PPM1D: variants seen among roughly 807,000 people sequenced by gnomAD.
PPM1D encodes the protein protein phosphatase 1D.
In PPM1D, 52 loss-of-function variants were observed where a neutral mutation model predicts 58.3. That is an observed-to-expected ratio of 0.89 (90% CI 0.71 to 1.12). PPM1D has a LOEUF of 1.12. Among genes scored for constraint, PPM1D ranks in the 50% most tolerant of loss-of-function variants. PPM1D has a pLI of 0.00. For synonymous variants in PPM1D, 278 were observed against 285.1 expected (o/e 0.98, Z 0.25); for missense variants, 564 against 777.2 (o/e 0.73, Z 3.26).
intron 3 of PPM1D, among the ~76,000 whole-genome samples, chr17:60,646,421 CA>C (rs991472928): frequency 2.0e-5 from 3 of 152,014 alleles, no homozygotes; most frequent in East Asian, 3.9e-4. Flanking sequence ...TCTTGTTTAA[CA>C]AAAAAACCAG....
In PPM1D at chr17:60,600,267, C is replaced by T; in HGVS notation, c.-148C>T. 7.1e-7 allele frequency: 1 copy of T among 1,405,974 alleles called. No homozygotes were observed. Among genetic ancestry groups the T allele is most frequent in the Non-Finnish European group, 9.3e-7 (1 of 1,072,888 alleles). 87.1% of individuals were successfully genotyped at this position (1,405,974 alleles called of 1,614,324 possible). A position where few individuals can be genotyped will look rare whatever the true frequency, so the allele number is the denominator to read the frequency against. ...AGCTCTCGCGGACAAGTCCAGACAT[C>T]GCGCGCCCCCCCTTCTCCGGGTCCG... On this transcript the variant is annotated 5_prime_UTR_variant, in exon 1 of 6. Coordinates refer to ENST00000305921, the MANE Select transcript of PPM1D (RefSeq NM_003620.4).
In PPM1D at chr17:60,663,668, A is replaced by G; in HGVS notation, c.*116A>G. 1.7e-6 allele frequency: 2 copies of G among 1,151,192 alleles called. No individual in the cohort carries two copies. Among genetic ancestry groups the G allele is most frequent in the Non-Finnish European group, 2.4e-6 (2 of 838,440 alleles). The allele number at this position is 1,151,192 out of a possible 1,614,324, so 71.3% of individuals were successfully genotyped here. On this transcript the variant is annotated 3_prime_UTR_variant, in exon 6 of 6. Coordinates refer to ENST00000305921, the MANE Select transcript of PPM1D (RefSeq NM_003620.4). ...AAAATTAAAAGAAATATACAGTTTG[A>G]CTTTTTGGAATTCAGCAGTTTTATC...
At chr17:60,617,171 C>T (rs1411127015) in intron 1 of PPM1D, among the ~76,000 whole-genome samples, 1 of 151,242 alleles carries the variant, frequency 6.6e-6, no homozygotes, top group Non-Finnish European at 1.5e-5. Flanking sequence ...GCTGTGTTCC[C>T]CAAGCTGGTC....
At chr17:60,603,370 A>G (rs1021617669) in intron 1 of PPM1D, among the ~76,000 whole-genome samples, 11 of 152,204 alleles carry the variant, frequency 7.2e-5, no homozygotes, top group Admixed American at 6.5e-5. Flanking sequence ...ATGTTTATAT[A>G]TATATTTTAA....
intron 2 of PPM1D, among the ~76,000 whole-genome samples, chr17:60,632,149 G>T (rs1056718177): frequency 1.3e-5 from 2 of 151,306 alleles, no homozygotes; most frequent in South Asian, 2.1e-4. Flanking sequence ...AGCTGAGATC[G>T]CACCACTGCA....
intron 3 of PPM1D, among the ~76,000 whole-genome samples, chr17:60,641,178 T>G (rs1485783757): frequency 6.6e-6 from 1 of 152,226 alleles, no homozygotes; most frequent in Non-Finnish European, 1.5e-5. Context: ...TCCACACTGC[T>G]TTCCACAGTG....
chr17:60,615,848 C>T (rs1273235976), intron 1 of PPM1D, among the ~76,000 whole-genome samples: 1 of 151,866 alleles, frequency 6.6e-6, no homozygotes, highest in Non-Finnish European at 1.5e-5. Context: ...GACAGGATCT[C>T]TGTGTTGTCC....
At chr17:60,648,149 T>G in intron 4 of PPM1D, 67 bp downstream of exon 4, 1 of 1,510,734 alleles carries the variant, frequency 6.6e-7, no homozygotes, top group South Asian at 1.3e-5. Flanking sequence ...GTCAGAATCT[T>G]GAATATGAAC....
At chr17:60,652,678 CCTAT>C (rs1387766168) in intron 4 of PPM1D, among the ~76,000 whole-genome samples, 3 of 150,030 alleles carry the variant, frequency 2.0e-5, no homozygotes, top group African/African-American at 7.4e-5. Flanking sequence ...TCTGTAGTTG[CCTAT>C]CTTTTTGATG....
chr17:60,647,959 C>T lies in PPM1D; in HGVS notation c.894C>T (p.Val298=). ...FVVSPEPDTS[V]HTLDPQKHKY... ...TGTCACCTGAACCAGACACAAGTGT[C>T]CACACTCTTGACCCTCAGAAGCACA... Residue 298 remains valine (V), a synonymous_variant, in exon 4 of 6, where the codon GTC becomes GTT. Coordinates refer to ENST00000305921, the MANE Select transcript of PPM1D (RefSeq NM_003620.4). 3 of 1,613,456 alleles carry T rather than the reference C, an allele frequency of 1.9e-6. No homozygotes were observed. The highest frequency in any genetic ancestry group is 2.5e-6 in the Non-Finnish European group (3 of 1,179,488).
chr17:60,643,704 T>G (rs943284687), intron 3 of PPM1D, among the ~76,000 whole-genome samples: 7 of 152,054 alleles, frequency 4.6e-5, no homozygotes, highest in African/African-American at 1.7e-4. Flanking sequence ...ATAATAGGAC[T>G]GACTGACACA....
At chr17:60,643,983 C>G (rs753177018) in intron 3 of PPM1D, among the ~76,000 whole-genome samples, 7 of 136,726 alleles carry the variant, frequency 5.1e-5, no homozygotes, top group Non-Finnish European at 1.1e-4. Context: ...TTTCTGGGGT[C>G]AAGCAATTCT....
intron 2 of PPM1D, among the ~76,000 whole-genome samples, chr17:60,627,081 AT>A (rs1225076621): frequency 6.6e-6 from 1 of 152,082 alleles, no homozygotes; most frequent in Non-Finnish European, 1.5e-5. Flanking sequence ...TTGTCTTTTG[AT>A]TATGCTCCTG....
At chr17:60,627,993 C>T (rs955129467) in intron 2 of PPM1D, among the ~76,000 whole-genome samples, 7 of 151,864 alleles carry the variant, frequency 4.6e-5, no homozygotes, top group South Asian at 4.2e-4. Flanking sequence ...TCTCAGCCTC[C>T]GGAGTAGCTG....
At chr17:60,657,196 T>A in intron 5 of PPM1D, 2 of 732,022 alleles carry the variant, frequency 2.7e-6, no homozygotes, top group Non-Finnish European at 3.3e-6. Flanking sequence ...ATTTTATCAG[T>A]AATAAGCCTG....
intron 4 of PPM1D, among the ~76,000 whole-genome samples, chr17:60,654,964 T>G (rs1379919194): frequency 6.6e-6 from 1 of 152,178 alleles, no homozygotes; most frequent in African/African-American, 2.4e-5. Flanking sequence ...CTGTGAAACC[T>G]AGCAGATTTT....
rs186405838 is a variant in PPM1D, at chr17:60,650,578, A to C, written c.1017+2496A>C. ...ACAACAACAACAACAACAACAACAA[A>C]AAACACAAATACATAAGTAGTAGAA... On this transcript the variant is annotated intron_variant, in intron 4 of 5. Coordinates refer to ENST00000305921, the MANE Select transcript of PPM1D (RefSeq NM_003620.4). Among the ~76,000 whole-genome samples the C allele has an allele frequency of 4.3e-4, 65 of 151,850 alleles. 1 individual carries two copies. The East Asian group carries it at 8.5e-3, about 20-fold the overall frequency.
Position 60,600,273 on chromosome 17 carries a change from C to A in PPM1D, c.-142C>A. On this transcript the variant is annotated 5_prime_UTR_variant, in exon 1 of 6. Coordinates refer to ENST00000305921, the MANE Select transcript of PPM1D (RefSeq NM_003620.4). ...CGCGGACAAGTCCAGACATCGCGCGCCCCCCCTTCTCCGGGTCCGCCCCCT... is the reference window on the plus strand; with the variant it reads ...CGCGGACAAGTCCAGACATCGCGCGACCCCCCTTCTCCGGGTCCGCCCCCT... 5 of 1,405,926 alleles carry A rather than the reference C, an allele frequency of 3.6e-6. No individual in the cohort carries two copies. The highest frequency in any genetic ancestry group is 3.7e-6 in the Non-Finnish European group (4 of 1,073,108). The allele number at this position is 1,405,926 out of a possible 1,614,324, so 87.1% of individuals were successfully genotyped here. A position where few individuals can be genotyped will look rare whatever the true frequency, so the allele number is the denominator to read the frequency against.
intron 2 of PPM1D, among the ~76,000 whole-genome samples, chr17:60,631,453 A>T (rs1308102373): frequency 6.6e-6 from 1 of 152,056 alleles, no homozygotes; most frequent in East Asian, 1.9e-4. Context: ...AGCCTGGCTA[A>T]TATGGTTAAA....
Sources: allele counts gnomAD v4.1 joint callset (sites outside exome capture counted in the v4.1 genomes callset), GRCh38; gene constraint gnomAD v4.1.1; transcripts MANE v1.5; gene names NCBI Gene and HGNC (gene_info 2026-07-23, HGNC 2026-07-21).